The following RSPO2 variants were observed in gnomAD, a reference collection of about 807,000 sequenced individuals.
RSPO2 encodes the protein R-spondin 2.
In RSPO2, 14 loss-of-function variants were observed where a neutral mutation model predicts 30.9. The observed-to-expected ratio is 0.45, with a 90% CI of 0.30 to 0.71. The LOEUF is 0.71. Among genes scored for constraint, RSPO2 ranks in the 30% least tolerant of loss-of-function variants. The pLI is 0.08. For synonymous variants in RSPO2, 107 were observed against 96.4 expected (o/e 1.11, Z -0.64); for missense variants, 264 against 301.9 (o/e 0.87, Z 0.93).
intron 3 of RSPO2, among the ~76,000 whole-genome samples, chr8:107,987,264 A>G (rs896751855): frequency 1.3e-5 from 2 of 152,324 alleles, no homozygotes; most frequent in African/African-American, 4.8e-5. Context: ...TGCAATCATT[A>G]TAATAGCCTT....
At chr8:107,927,617 AT>A (rs763155659) in intron 5 of RSPO2, among the ~76,000 whole-genome samples, 20 of 152,124 alleles carry the variant, frequency 1.3e-4, no homozygotes, top group Non-Finnish European at 2.5e-4. Context: ...GGGCTACTGA[AT>A]TTTGTCAAAG....
intron 5 of RSPO2, among the ~76,000 whole-genome samples, chr8:107,943,879 G>A (rs1812975412): frequency 6.6e-6 from 1 of 152,194 alleles, no homozygotes; most frequent in Non-Finnish European, 1.5e-5. Context: ...CAGGCATGTG[G>A]TTTTCTTCCA....
intron 2 of RSPO2, among the ~76,000 whole-genome samples, chr8:108,037,525 C>G (rs1429799591): frequency 6.6e-6 from 1 of 152,120 alleles, no homozygotes; most frequent in Non-Finnish European, 1.5e-5. Flanking sequence ...AGCAAGTTGT[C>G]TAGAAGATTT....
At chr8:107,994,837 G>A (rs182151423) in intron 2 of RSPO2, among the ~76,000 whole-genome samples, 2 of 152,166 alleles carry the variant, frequency 1.3e-5, no homozygotes, top group African/African-American at 4.8e-5. Flanking sequence ...CTAATATCAA[G>A]CAATAAGTGG....
chr8:108,004,965 G>A (rs377660350), intron 2 of RSPO2, among the ~76,000 whole-genome samples: 1 of 151,936 alleles, frequency 6.6e-6, no homozygotes, highest in East Asian at 1.9e-4. Context: ...TCCCTTTTAA[G>A]CTAATGTATC....
chr8:108,062,088 G>T (rs997913419), intron 2 of RSPO2, among the ~76,000 whole-genome samples: 2 of 151,838 alleles, frequency 1.3e-5, no homozygotes, highest in Non-Finnish European at 2.9e-5. Flanking sequence ...AAGCAGGAAA[G>T]ATCTAAAATT....
At chr8:107,906,101 G>A (rs1429362429) in intron 5 of RSPO2, among the ~76,000 whole-genome samples, 3 of 151,870 alleles carry the variant, frequency 2.0e-5, no homozygotes, top group African/African-American at 7.2e-5. Context: ...AATTGATACA[G>A]CCTTTCTGAA....
chr8:108,029,152 C>G (rs1270574367), intron 2 of RSPO2, among the ~76,000 whole-genome samples: 1 of 139,702 alleles, frequency 7.2e-6, no homozygotes, highest in Non-Finnish European at 1.5e-5. Context: ...CAGCCAAATC[C>G]AGCCCACCAC....
intron 2 of RSPO2, among the ~76,000 whole-genome samples, chr8:107,998,057 C>A (rs774573490): frequency 2.0e-5 from 3 of 152,168 alleles, no homozygotes; most frequent in Non-Finnish European, 2.9e-5. Context: ...TAGCCTCACT[C>A]TGTATTTGCT....
intron 3 of RSPO2, among the ~76,000 whole-genome samples, chr8:107,988,399 A>C (rs1814724243): frequency 6.6e-6 from 1 of 151,836 alleles, no homozygotes; most frequent in African/African-American, 2.4e-5. Context: ...GATTGTTCTC[A>C]GCATAAAGTA....
chr8:108,057,161 T>A (rs1326255234), intron 2 of RSPO2, among the ~76,000 whole-genome samples: 1 of 148,704 alleles, frequency 6.7e-6, no homozygotes, highest in African/African-American at 2.5e-5. Context: ...CTGAAATGGT[T>A]AACTGCCCAA....
intron 5 of RSPO2, among the ~76,000 whole-genome samples, chr8:107,929,485 A>G (rs960881366): frequency 2.0e-5 from 3 of 152,294 alleles, no homozygotes; most frequent in Admixed American, 6.5e-5. Context: ...ACGAACTCGC[A>G]TAACAGCACC....
intron 5 of RSPO2, among the ~76,000 whole-genome samples, chr8:107,907,084 A>T (rs1490630836): frequency 6.6e-6 from 1 of 152,038 alleles, no homozygotes; most frequent in East Asian, 1.9e-4. Flanking sequence ...CACATAATGT[A>T]AATGGGCATA....
intron 2 of RSPO2, among the ~76,000 whole-genome samples, chr8:108,024,993 T>C (rs1198750879): frequency 2.0e-5 from 3 of 152,106 alleles, no homozygotes; most frequent in South Asian, 4.1e-4. Context: ...TACTCCAGTC[T>C]GGGTGACAAG....
At chr8:108,036,856 T>G (rs551931622) in intron 2 of RSPO2, among the ~76,000 whole-genome samples, 21 of 152,304 alleles carry the variant, frequency 1.4e-4, no homozygotes, top group African/African-American at 4.6e-4. Context: ...TGGTGATCTG[T>G]GTTCAGTGAT....
chr8:108,054,894 G>A (rs1416116170), intron 2 of RSPO2, among the ~76,000 whole-genome samples: 3 of 152,092 alleles, frequency 2.0e-5, no homozygotes, highest in South Asian at 2.1e-4. Flanking sequence ...TGGGCAGATC[G>A]CTTGAGCTCA....
chr8:107,979,351 A>G (rs1488776581), intron 3 of RSPO2, among the ~76,000 whole-genome samples: 2 of 152,232 alleles, frequency 1.3e-5, no homozygotes, highest in Admixed American at 1.3e-4. Flanking sequence ...CTATGCAGCC[A>G]TAAAAAAGGA....
intron 3 of RSPO2, among the ~76,000 whole-genome samples, chr8:107,962,778 GGGTGA>G (rs1813672979): frequency 2.0e-5 from 3 of 151,754 alleles, no homozygotes; most frequent in Admixed American, 2.0e-4. Context: ...CAGAACTAAA[GGGTGA>G]AGATGAAAAA....
intron 2 of RSPO2, among the ~76,000 whole-genome samples, chr8:108,046,228 T>C (rs1418584261): frequency 6.6e-6 from 1 of 152,264 alleles, no homozygotes; most frequent in African/African-American, 2.4e-5. Flanking sequence ...TGCAGAACAG[T>C]GTAATAAGAT....
Sources: allele counts gnomAD v4.1 joint callset (sites outside exome capture counted in the v4.1 genomes callset), GRCh38; gene constraint gnomAD v4.1.1; transcripts MANE v1.5; gene names NCBI Gene and HGNC (gene_info 2026-07-23, HGNC 2026-07-21).